MFSD11: variants seen among roughly 807,000 people sequenced by gnomAD.
MFSD11 encodes major facilitator superfamily domain containing 11.
Under a neutral mutation model 53.5 loss-of-function variants are expected in MFSD11, and 36 were observed. The observed-to-expected ratio is 0.67, with a 90% CI of 0.52 to 0.89. The LOEUF is 0.89. Among genes scored for constraint, MFSD11 ranks in the 40% least tolerant of loss-of-function variants. The probability of loss-of-function intolerance (pLI) is 0.00; values close to 1 mark genes in which losing one functional copy is unlikely to be tolerated. For synonymous variants in MFSD11, 186 were observed against 184.9 expected (o/e 1.01, Z -0.05); for missense variants, 530 against 543.9 (o/e 0.97, Z 0.25).
At position 76,771,208 on chromosome 17, in the gene MFSD11, CA is replaced by C. The variant is rs1034546274; in HGVS notation, c.874+1339del. Among the ~76,000 whole-genome samples, 6 of 152,314 alleles carry C rather than the reference CA, an allele frequency of 3.9e-5. 1 individual carries two copies. Among genetic ancestry groups the C allele is most frequent in the Admixed American group, 6.5e-5 (1 of 15,304 alleles). Reference sequence around the variant, plus strand: ...TATCCTAGGCCAACCCCTCTCTCCCCAAGGGTTGCCCCCTTAGCGTAAACTT... The same window carrying C: ...TATCCTAGGCCAACCCCTCTCTCCCCAGGGTTGCCCCCTTAGCGTAAACTT... On this transcript the variant is annotated intron_variant, in intron 10 of 12. Transcript: ENST00000685175.
downstream of MFSD11, among the ~76,000 whole-genome samples, chr17:76,784,907 A>G (rs2082253637): frequency 6.6e-6 from 1 of 152,234 alleles, no homozygotes; most frequent in Non-Finnish European, 1.5e-5. Flanking sequence ...TCAAAAACAA[A>G]ACAAAACAAA....
chr17:76,739,717 C>A (rs1156309658), intron 2 of MFSD11, among the ~76,000 whole-genome samples: 1 of 152,096 alleles, frequency 6.6e-6, no homozygotes. Flanking sequence ...TCGTGGCACT[C>A]CCCCGCCCCC....
At chr17:76,793,542 CA>C in the MFSD11 span, among the ~76,000 whole-genome samples, 1 of 151,268 alleles carries the variant, frequency 6.6e-6, no homozygotes, top group Admixed American at 6.6e-5. Flanking sequence ...ACAATTTGTG[CA>C]GTTAACGCAA....
At chr17:76,784,465 AGAGGTTG>A (rs2082243363), downstream of MFSD11, among the ~76,000 whole-genome samples, 1 of 152,116 alleles carries the variant, frequency 6.6e-6, no homozygotes, top group Admixed American at 6.5e-5. Flanking sequence ...CCTGGGAGGC[AGAGGTTG>A]CAGTGAGCTG....
downstream of MFSD11, chr17:76,781,021 A>G (rs1386134379): frequency 6.6e-6 from 1 of 152,192 alleles, no homozygotes; most frequent in Non-Finnish European, 1.5e-5. Context: ...TTAAAATAAC[A>G]CACATCTATT....
intron 2 of MFSD11, 124 bp downstream of exon 2, chr17:76,739,117 C>A: frequency 1.4e-6 from 1 of 732,484 alleles, no homozygotes. Flanking sequence ...TTCTCAGTGC[C>A]TAGACTGAGA....
chr17:76,795,339 A>T, the MFSD11 span, among the ~76,000 whole-genome samples: 1 of 148,780 alleles, frequency 6.7e-6, no homozygotes, highest in East Asian at 2.0e-4. Context: ...AAAAAAAAAA[A>T]TTAGCCAGAC....
At chr17:76,741,556 C>T (rs929331798) in intron 3 of MFSD11, among the ~76,000 whole-genome samples, 1 of 152,046 alleles carries the variant, frequency 6.6e-6, no homozygotes, top group Admixed American at 6.6e-5. Context: ...ATTGCTTGAG[C>T]CAAGGATCAC....
intron 12 of MFSD11, among the ~76,000 whole-genome samples, chr17:76,777,066 G>C (rs575522525): frequency 6.6e-6 from 1 of 152,174 alleles, no homozygotes; most frequent in East Asian, 2.0e-4. Flanking sequence ...ACAAGATGGA[G>C]ACCATCCTGG....
chr17:76,743,332 A>AT (rs1261940558), intron 5 of MFSD11, 66 bp from the exon 6 acceptor site: 6 of 1,065,996 alleles, frequency 5.6e-6, no homozygotes, highest in Non-Finnish European at 8.1e-6. Flanking sequence ...GGGAATAATT[A>AT]TTTTTAAAAA....
At chr17:76,769,468 C>T (rs1443583365) in intron 9 of MFSD11, 2 of 261,312 alleles carry the variant, frequency 7.7e-6, no homozygotes, top group Admixed American at 5.4e-5. Flanking sequence ...GCCTAATTGC[C>T]TCCAAAAGGC....
chr17:76,736,965 G>A (rs1427451925), upstream of MFSD11: 2 of 1,613,526 alleles, frequency 1.2e-6, no homozygotes, highest in African/African-American at 1.3e-5. Context: ...TCAGCGTCGC[G>A]CTTGTCGTGA....
At chr17:76,793,766 C>A in the MFSD11 span, among the ~76,000 whole-genome samples, 3 of 151,562 alleles carry the variant, frequency 2.0e-5, no homozygotes, top group Non-Finnish European at 4.4e-5. Flanking sequence ...AATAAATGTC[C>A]ATGAAATCTT....
chr17:76,751,691 T>C, intron 7 of MFSD11, among the ~76,000 whole-genome samples: 1 of 145,116 alleles, frequency 6.9e-6, no homozygotes. Flanking sequence ...AGAGCAAGAC[T>C]CGGTCTCAAA....
chr17:76,741,871 TAAAAG>T (rs778439958), intron 3 of MFSD11, 93 bp from the exon 4 acceptor site: 237 of 1,575,562 alleles, frequency 1.5e-4, no homozygotes, highest in Admixed American at 2.4e-4. Flanking sequence ...GGTTGAGTTT[TAAAAG>T]AAGAGAATGT....
At chr17:76,803,666 C>T in the MFSD11 span, among the ~76,000 whole-genome samples, 1 of 152,150 alleles carries the variant, frequency 6.6e-6, no homozygotes, top group Non-Finnish European at 1.5e-5. Context: ...TGCATGATTT[C>T]ATCTCTGACC....
Position 76,738,936 on chromosome 17 carries a change from A to G in MFSD11, c.97-2A>G. ...CGTTGATTAGTTTTATCTTCCACACAGCAAACTGTCATCAGGAGCTTAAAT... is the reference window on the plus strand; with the variant it reads ...CGTTGATTAGTTTTATCTTCCACACGGCAAACTGTCATCAGGAGCTTAAAT... On this transcript the variant is annotated splice_acceptor_variant, in intron 1 of 12. Transcript: ENST00000685175. LOFTEE classifies it high-confidence loss of function. The G allele has an allele frequency of 1.2e-6, 2 of 1,613,948 alleles. No individual in the cohort carries two copies. The highest frequency in any genetic ancestry group is 1.7e-6 in the Non-Finnish European group (2 of 1,179,772).
At chr17:76,755,820 T>A (rs1479970888) in intron 8 of MFSD11, among the ~76,000 whole-genome samples, 189 of 21,238 alleles carry the variant, frequency 8.9e-3, no homozygotes, top group Middle Eastern at 0.048. Context: ...ATATTTTTTT[T>A]TTTTTTTTTT....
upstream of MFSD11, chr17:76,737,266 T>C (rs922772526): frequency 4.3e-6 from 6 of 1,410,544 alleles, no homozygotes; most frequent in African/African-American, 5.8e-5. Flanking sequence ...GTGGGGACAC[T>C]GGGAAAGGCC....
Sources: allele counts gnomAD v4.1 joint callset (sites outside exome capture counted in the v4.1 genomes callset), GRCh38; gene constraint gnomAD v4.1.1; transcripts MANE v1.5; gene names NCBI Gene and HGNC (gene_info 2026-07-23, HGNC 2026-07-21).